The following CNTNAP2 variants were observed in gnomAD, a reference collection of about 807,000 sequenced individuals.
CNTNAP2 encodes the protein contactin-associated protein-like 2.
Under a neutral mutation model 155.2 loss-of-function variants are expected in CNTNAP2, and 98 were observed. The ratio of observed to expected loss-of-function variants is 0.63; its 90% CI spans 0.54 to 0.75. CNTNAP2 has a LOEUF of 0.75. Ranked by LOEUF, CNTNAP2 falls within the 30% of genes least tolerant of loss-of-function variation. The pLI, the probability that CNTNAP2 is intolerant of heterozygous loss-of-function variation, is 0.00. For missense variants in CNTNAP2, 1,727 were observed against 1,688.1 expected, an observed-to-expected ratio of 1.02 and a Z score of -0.40; for synonymous variants, 651 against 631.2, an observed-to-expected ratio of 1.03 and a Z score of -0.47.
At chr7:146,300,627 T>C (rs1352344302) in intron 1 of CNTNAP2, among the ~76,000 whole-genome samples, 1 of 152,156 alleles carries the variant, frequency 6.6e-6, no homozygotes, top group Admixed American at 6.5e-5. Flanking sequence ...GTTGGCCATA[T>C]AGTTTCAAGT....
chr7:147,717,603 A>C (rs1388110123), intron 13 of CNTNAP2, among the ~76,000 whole-genome samples: 1 of 152,122 alleles, frequency 6.6e-6, no homozygotes, highest in Non-Finnish European at 1.5e-5. Flanking sequence ...CTGCAACTTA[A>C]GTTAATATCA....
At position 148,228,827 on chromosome 7, in the gene CNTNAP2, C is replaced by CAAAAAAAA. The variant is rs10657103; in HGVS notation, c.3248-810_3248-803dup. Reference sequence around the variant, plus strand: ...TGGGCGACAGAGCGAGACTCTGTTTCAAAAAAAAAAAAAAAACTATGTTTA... The same window carrying CAAAAAAAA: ...TGGGCGACAGAGCGAGACTCTGTTTCAAAAAAAAAAAAAAAAAAAAAAAACTATGTTTA... On this transcript the variant is annotated intron_variant, in intron 19 of 23. Transcript: ENST00000361727. 2.6e-4 allele frequency among the ~76,000 whole-genome samples: 31 copies of CAAAAAAAA among 118,678 alleles called. 1 individual carries two copies. Among genetic ancestry groups the CAAAAAAAA allele is most frequent in the Middle Eastern group, 9.4e-3 (2 of 212 alleles). 77.9% of individuals were successfully genotyped at this position (118,678 alleles called of 152,430 possible).
At chr7:146,221,820 A>G (rs998253192) in intron 1 of CNTNAP2, among the ~76,000 whole-genome samples, 4 of 152,242 alleles carry the variant, frequency 2.6e-5, no homozygotes, top group Admixed American at 6.5e-5. Flanking sequence ...CATATTAAAG[A>G]CAAACTATAT....
intron 1 of CNTNAP2, among the ~76,000 whole-genome samples, chr7:146,226,856 C>A (rs1309762577): frequency 6.6e-6 from 1 of 151,944 alleles, no homozygotes; most frequent in East Asian, 1.9e-4. Flanking sequence ...ATGGTGAAAT[C>A]ATGAATTTTT....
At chr7:146,862,122 C>T (rs2129205360) in intron 3 of CNTNAP2, among the ~76,000 whole-genome samples, 1 of 152,246 alleles carries the variant, frequency 6.6e-6, no homozygotes, top group South Asian at 2.1e-4. Flanking sequence ...AATGTTAAGA[C>T]TTTAGAATGC....
intron 21 of CNTNAP2, among the ~76,000 whole-genome samples, chr7:148,317,608 A>G (rs1797713524): frequency 6.6e-6 from 1 of 152,222 alleles, no homozygotes; most frequent in Non-Finnish European, 1.5e-5. Context: ...CTTAGTATCA[A>G]AGCAATGTTA....
At chr7:146,957,877 G>T (rs1797467791) in intron 3 of CNTNAP2, among the ~76,000 whole-genome samples, 1 of 152,056 alleles carries the variant, frequency 6.6e-6, no homozygotes, top group Non-Finnish European at 1.5e-5. Context: ...TATACACATG[G>T]ACTTATCAAG....
chr7:146,536,598 C>A (rs1797872982), intron 1 of CNTNAP2, among the ~76,000 whole-genome samples: 2 of 151,038 alleles, frequency 1.3e-5, no homozygotes, highest in Admixed American at 6.6e-5. Context: ...GTTCCCCCCC[C>A]ACCACCATTT....
intron 1 of CNTNAP2, among the ~76,000 whole-genome samples, chr7:146,720,688 G>A (rs528516787): frequency 2.4e-4 from 37 of 151,454 alleles, no homozygotes; most frequent in East Asian, 7.8e-4. Context: ...TGTCTGTTAC[G>A]TTTTCACTCT....
chr7:147,999,275 G>A (rs944055810), intron 15 of CNTNAP2, among the ~76,000 whole-genome samples: 2 of 152,016 alleles, frequency 1.3e-5, no homozygotes, highest in African/African-American at 4.8e-5. Flanking sequence ...TAGAGACGGG[G>A]TTTCACCATG....
chr7:147,682,705 G>A (rs978084285), intron 13 of CNTNAP2, among the ~76,000 whole-genome samples: 2 of 151,622 alleles, frequency 1.3e-5, no homozygotes, highest in African/African-American at 2.4e-5. Flanking sequence ...ATCATCCAGG[G>A]ACCTAGATAA....
intron 1 of CNTNAP2, among the ~76,000 whole-genome samples, chr7:146,489,441 A>T (rs913138558): frequency 2.0e-5 from 3 of 152,184 alleles, no homozygotes; most frequent in Non-Finnish European, 4.4e-5. Context: ...ATGGTTCATG[A>T]GAAAGGCTAT....
intron 1 of CNTNAP2, among the ~76,000 whole-genome samples, chr7:146,692,339 C>T (rs911223085): frequency 2.0e-5 from 3 of 152,098 alleles, no homozygotes; most frequent in Non-Finnish European, 4.4e-5. Context: ...AAAACTTATA[C>T]CAGTAAAGGC....
chr7:147,491,903 A>C (rs1217463927), intron 11 of CNTNAP2, among the ~76,000 whole-genome samples: 2 of 152,222 alleles, frequency 1.3e-5, no homozygotes, highest in Non-Finnish European at 2.9e-5. Context: ...GGAGGAATTT[A>C]GGATATTAGC....
At chr7:146,771,681 G>A (rs1191461015) in intron 1 of CNTNAP2, among the ~76,000 whole-genome samples, 6 of 152,128 alleles carry the variant, frequency 3.9e-5, no homozygotes, top group Non-Finnish European at 7.4e-5. Flanking sequence ...AATATTATAT[G>A]AAGACGGATT....
intron 10 of CNTNAP2, among the ~76,000 whole-genome samples, chr7:147,472,968 T>A (rs1798251792): frequency 6.6e-6 from 1 of 152,198 alleles, no homozygotes; most frequent in Non-Finnish European, 1.5e-5. Flanking sequence ...TAGAGCCTTC[T>A]TAGAGAAAGC....
At chr7:146,311,984 G>T (rs918852957) in intron 1 of CNTNAP2, among the ~76,000 whole-genome samples, 1 of 152,034 alleles carries the variant, frequency 6.6e-6, no homozygotes. Flanking sequence ...TCAAAGTCTG[G>T]TTAGTATTAT....
rs569640520 is a variant in CNTNAP2 at position 147,304,105 on chromosome 7, T to C, written c.1498+3815T>C. Among the ~76,000 whole-genome samples the C allele has an allele frequency of 2.6e-5, 4 of 152,314 alleles. No homozygotes were observed. The South Asian group carries it at 8.3e-4, about 32-fold the overall frequency. On this transcript the variant is annotated intron_variant, in intron 9 of 23. Coordinates refer to ENST00000361727, the MANE Select transcript of CNTNAP2 (RefSeq NM_014141.6). Reference sequence around the variant, plus strand: ...CAGGCTGGGCCGTTTCACTCCAGTGTGCAATTTTATCTCTCTGTGCTTGCT... The same window carrying C: ...CAGGCTGGGCCGTTTCACTCCAGTGCGCAATTTTATCTCTCTGTGCTTGCT...
At chr7:146,481,944 TA>T (rs1273938083) in intron 1 of CNTNAP2, among the ~76,000 whole-genome samples, 2 of 152,152 alleles carry the variant, frequency 1.3e-5, no homozygotes, top group African/African-American at 2.4e-5. Flanking sequence ...GAAGCCTGTC[TA>T]AAGCAAACAC....
Sources: gnomAD v4.1 joint callset for allele counts (sites outside exome capture counted in the v4.1 genomes callset) on GRCh38, gnomAD v4.1.1 for gene constraint, MANE v1.5 for transcripts, NCBI Gene and HGNC (gene_info 2026-07-23, HGNC 2026-07-21) for gene names.